Variants in USP37 observed in about 807,000 individuals in gnomAD.
USP37 encodes ubiquitin carboxyl-terminal hydrolase 37.
USP37 carries 27 observed loss-of-function variants against 124.0 expected under a neutral mutation model. The ratio of observed to expected loss-of-function variants is 0.22; its 90% confidence interval spans 0.16 to 0.30. USP37 has a LOEUF of 0.30. USP37 is among the 10% of genes least tolerant of loss of function. USP37 has a pLI of 1.00. For missense variants in USP37, 889 were observed against 1,140.4 expected (o/e 0.78, Z 3.17); for synonymous variants, 365 against 388.0 (o/e 0.94, Z 0.70).
At chr2:218,455,774 G>A (rs917116433) in intron 24 of USP37, 56 bp from the exon 25 acceptor site, 30 of 1,574,606 alleles carry the variant, frequency 1.9e-5, no homozygotes, top group Admixed American at 9.0e-5. Flanking sequence ...GAAGCTGGGC[G>A]CGATGGCTCA....
At chr2:218,544,420 T>TAG (rs1202551075) in intron 8 of USP37, among the ~76,000 whole-genome samples, 13 of 53,338 alleles carry the variant, frequency 2.4e-4, no homozygotes, top group Non-Finnish European at 3.0e-4. Flanking sequence ...TATATATATA[T>TAG]ATATATATAT....
chr2:218,513,437 T>C (rs897852109), intron 10 of USP37, among the ~76,000 whole-genome samples: 3 of 152,198 alleles, frequency 2.0e-5, no homozygotes, highest in Non-Finnish European at 2.9e-5. Context: ...TTAAAGTGTA[T>C]AACTTTAAGT....
intron 4 of USP37, among the ~76,000 whole-genome samples, chr2:218,555,544 A>T (rs1381000376): frequency 6.6e-6 from 1 of 151,026 alleles, no homozygotes. Context: ...GCATTATTTC[A>T]GTCAATTTAT....
At chr2:218,530,381 C>G (rs1691258363) in intron 9 of USP37, among the ~76,000 whole-genome samples, 1 of 152,132 alleles carries the variant, frequency 6.6e-6, no homozygotes, top group South Asian at 2.1e-4. Context: ...ATATCTATTA[C>G]AGTGATCTGC....
At chr2:218,557,950 A>AAAAAAAAAAAAAAAAAT (rs3074257) in intron 4 of USP37, among the ~76,000 whole-genome samples, 1 of 143,904 alleles carries the variant, frequency 6.9e-6, no homozygotes, top group East Asian at 2.1e-4. Flanking sequence ...AAAAAAAAAA[A>AAAAAAAAAAAAAAAAAT]GGTGAAAAGA....
At chr2:218,498,534 C>T (rs71415839) in intron 11 of USP37, 6,281 of 154,612 alleles carry the variant, frequency 0.041, 167 homozygotes, top group East Asian at 0.12. Context: ...TTGAGACCAG[C>T]CTGGCCAATA....
intron 7 of USP37, among the ~76,000 whole-genome samples, chr2:218,546,622 T>C (rs901138537): frequency 6.6e-6 from 1 of 152,176 alleles, no homozygotes; most frequent in Non-Finnish European, 1.5e-5. Context: ...GTTTTCACTA[T>C]GTTAGCCAGG....
chr2:218,540,225 G>A (rs1253626455), intron 8 of USP37, among the ~76,000 whole-genome samples: 1 of 152,030 alleles, frequency 6.6e-6, no homozygotes, highest in African/African-American at 2.4e-5. Flanking sequence ...GTGACTAATG[G>A]GCGGGTAGCA....
At chr2:218,520,474 C>T (rs1408045805) in intron 10 of USP37, among the ~76,000 whole-genome samples, 2 of 151,778 alleles carry the variant, frequency 1.3e-5, no homozygotes, top group Admixed American at 6.6e-5. Flanking sequence ...CTCAGCATCC[C>T]GAGTAACTGG....
intron 14 of USP37, among the ~76,000 whole-genome samples, chr2:218,492,264 T>C (rs1160272598): frequency 6.6e-6 from 1 of 151,980 alleles, no homozygotes; most frequent in African/African-American, 2.4e-5. Context: ...GAATTCAAAA[T>C]AGAGGAAATG....
At chr2:218,480,398 C>CAAAAAAAAAAAA (rs397868988) in intron 17 of USP37, among the ~76,000 whole-genome samples, 1 of 48,830 alleles carries the variant, frequency 2.0e-5, no homozygotes, top group African/African-American at 5.0e-5. Flanking sequence ...GACTCCGTCT[C>CAAAAAAAAAAAA]AAAAAAAAAA....
At chr2:218,461,574 A>C (rs1301909437) in intron 22 of USP37, among the ~76,000 whole-genome samples, 2 of 152,216 alleles carry the variant, frequency 1.3e-5, no homozygotes, top group Non-Finnish European at 2.9e-5. Flanking sequence ...TATAGCTTCA[A>C]AATTCTGGAA....
intron 13 of USP37, 34 bp downstream of exon 13, chr2:218,497,700 G>A: frequency 6.2e-7 from 1 of 1,611,128 alleles, no homozygotes; most frequent in Non-Finnish European, 8.5e-7. Context: ...ACCGTGTCAG[G>A]CCTCTGAAAC....
intron 14 of USP37, 145 bp downstream of exon 14, chr2:218,495,615 C>T: frequency 1.2e-6 from 1 of 803,334 alleles, no homozygotes; most frequent in South Asian, 2.2e-5. Flanking sequence ...GGGGTTGTGC[C>T]ACTGCACCCA....
At chr2:218,490,004 G>A (rs1460989127) in intron 14 of USP37, among the ~76,000 whole-genome samples, 3 of 152,124 alleles carry the variant, frequency 2.0e-5, no homozygotes, top group African/African-American at 7.2e-5. Context: ...TAGTACTGAT[G>A]AGCATTTAGG....
intron 21 of USP37, among the ~76,000 whole-genome samples, chr2:218,464,954 C>T (rs1208488294): frequency 6.6e-6 from 1 of 151,668 alleles, no homozygotes; most frequent in African/African-American, 2.4e-5. Context: ...GGTGGATGCT[C>T]CTGTGGTCCC....
rs1163366372 is a variant in USP37, at chr2:218,544,386, C to CAAAAAAAAAA, written c.680+1825_680+1834dup. 5.8e-4 allele frequency among the ~76,000 whole-genome samples: 15 copies of CAAAAAAAAAA among 25,784 alleles called. 1 individual carries two copies. The highest frequency in any genetic ancestry group is 1.9e-3 in the African/African-American group (5 of 2,652). 16.9% of individuals were successfully genotyped at this position (25,784 alleles called of 152,430 possible). On this transcript the variant is annotated intron_variant, in intron 8 of 25. Coordinates refer to ENST00000258399, the MANE Select transcript of USP37 (RefSeq NM_020935.3). ...GGTGACAGAACAAGACTCCGTTTCA[C>CAAAAAAAAAA]AAAAAAAAAAAAAAAAAAAAATATA...
chr2:218,497,134 G>A lies in USP37; in HGVS notation c.1281+600C>T, dbSNP rs549613312. ...AGCCCAGGTTGGAGTGCAATGGTGC[G>A]ATCTCAGCTCACTGCAACCTCTGCC... On this transcript the variant is annotated intron_variant, in intron 13 of 25. Coordinates refer to ENST00000258399, the MANE Select transcript of USP37 (RefSeq NM_020935.3). Among the ~76,000 whole-genome samples the A allele has an allele frequency of 1.6e-4, 24 of 151,508 alleles. 1 individual carries two copies. The South Asian group carries it at 4.8e-3, about 31-fold the overall frequency.
chr2:218,456,210 A>AG (rs1438548938), intron 24 of USP37, among the ~76,000 whole-genome samples: 1 of 152,196 alleles, frequency 6.6e-6, no homozygotes, highest in East Asian at 1.9e-4. Context: ...GCACTTTGGG[A>AG]GGCCAAGGCA....
Sources: gnomAD v4.1 joint callset for allele counts (sites outside exome capture counted in the v4.1 genomes callset) on GRCh38, gnomAD v4.1.1 for gene constraint, MANE v1.5 for transcripts, NCBI Gene and HGNC (gene_info 2026-07-23, HGNC 2026-07-21) for gene names.